Variants in RANBP17 observed in about 807,000 individuals in gnomAD.
RANBP17 encodes ran-binding protein 17.
RANBP17 carries 158 observed loss-of-function variants against 141.2 expected under a neutral mutation model. The ratio of observed to expected loss-of-function variants is 1.12; its 90% CI spans 0.98 to 1.28. The LOEUF is 1.28. RANBP17 is among the 50% of genes most tolerant of loss of function. The probability of loss-of-function intolerance (pLI) is 0.00; values close to 1 mark genes in which losing one functional copy is unlikely to be tolerated. For missense variants in RANBP17, 1,438 were observed against 1,290.7 expected, an observed-to-expected ratio of 1.11 and a Z score of -1.75; for synonymous variants, 430 against 450.0, an observed-to-expected ratio of 0.96 and a Z score of 0.56.
intron 24 of RANBP17, among the ~76,000 whole-genome samples, chr5:171,262,649 A>C (rs975286814): frequency 5.9e-5 from 9 of 152,196 alleles, no homozygotes. Context: ...TGTTGGGAAC[A>C]TTCAAAATCT....
Position 171,041,868 on chromosome 5 carries a change from T to C in RANBP17, c.1710+73491T>C, listed in dbSNP as rs980697356. On this transcript the variant is annotated intron_variant, in intron 14 of 27. Coordinates refer to ENST00000523189, the MANE Select transcript of RANBP17 (RefSeq NM_022897.5). ...CCTAGGTATTAAGTCCCACATGCATTAGCTATTTATCCTGATGCTCTCCCT... is the reference window on the plus strand; with the variant it reads ...CCTAGGTATTAAGTCCCACATGCATCAGCTATTTATCCTGATGCTCTCCCT... Among the ~76,000 whole-genome samples the C allele has an allele frequency of 2.0e-5, 3 of 152,098 alleles. No homozygotes were observed. In the East Asian group the frequency reaches 5.8e-4, roughly 29 times the overall value.
intron 12 of RANBP17, 68 bp downstream of exon 12, chr5:170,924,618 T>C: frequency 2.9e-6 from 3 of 1,033,150 alleles, no homozygotes; most frequent in Non-Finnish European, 4.2e-6. Context: ...ATCACTTTAA[T>C]AGTTTTACTG....
intron 16 of RANBP17, among the ~76,000 whole-genome samples, chr5:171,172,096 A>G (rs1358518369): frequency 6.6e-6 from 1 of 151,978 alleles, no homozygotes; most frequent in Non-Finnish European, 1.5e-5. Flanking sequence ...AATTCTGAAA[A>G]TGGTGGCATT....
intron 22 of RANBP17, among the ~76,000 whole-genome samples, chr5:171,234,973 T>C (rs1293753156): frequency 1.3e-5 from 2 of 152,084 alleles, no homozygotes; most frequent in Non-Finnish European, 2.9e-5. Flanking sequence ...TGAGTGTAAA[T>C]ATAGAGGAAG....
At position 170,878,129 on chromosome 5, in the gene RANBP17, T is replaced by C; in HGVS notation, c.51T>C (p.His17=). Residue 17 remains histidine (H), a synonymous_variant, in exon 2 of 28, where the codon CAT becomes CAC. Transcript: ENST00000523189. ...CTGAATTGGAAGTGTTATGTACTCA[T>C]CTCTACATAGGGACTGATCTTACAC... is the stretch of plus-strand genomic sequence containing the variant. The part of the protein sequence containing the change: ...SLAELEVLCT[H]LYIGTDLTQR... 3 of 1,609,642 alleles carry C rather than the reference T, an allele frequency of 1.9e-6. No individual in the cohort carries two copies. The highest frequency in any genetic ancestry group is 2.5e-6 in the Non-Finnish European group (3 of 1,177,938).
chr5:171,257,424 G>A (rs186110274), intron 24 of RANBP17, among the ~76,000 whole-genome samples: 3 of 152,120 alleles, frequency 2.0e-5, no homozygotes, highest in Admixed American at 2.0e-4. Flanking sequence ...AGCAATAAAG[G>A]CACGTATGAC....
At chr5:171,255,380 A>G (rs1223456132) in intron 24 of RANBP17, among the ~76,000 whole-genome samples, 3 of 152,250 alleles carry the variant, frequency 2.0e-5, no homozygotes, top group East Asian at 1.9e-4. Context: ...AGTCATTTGC[A>G]TTAAAGTACA....
rs376554254 is a variant in RANBP17 at position 171,155,566 on chromosome 5, T to C, written c.1711-14564T>C. ...CCCCTAATTCCATAATCTGTGAAAATGAAATAAACTTATTTCCGTGAACCC... is the reference window on the plus strand; with the variant it reads ...CCCCTAATTCCATAATCTGTGAAAACGAAATAAACTTATTTCCGTGAACCC... On this transcript the variant is annotated intron_variant, in intron 14 of 27. Coordinates refer to ENST00000523189, the MANE Select transcript of RANBP17 (RefSeq NM_022897.5). 1.3e-3 allele frequency among the ~76,000 whole-genome samples: 195 copies of C among 152,250 alleles called. 9 individuals are homozygous for C. The South Asian group carries it at 0.039, about 30-fold the overall frequency.
At chr5:171,043,423 G>A (rs1235072855) in intron 14 of RANBP17, among the ~76,000 whole-genome samples, 2 of 152,022 alleles carry the variant, frequency 1.3e-5, no homozygotes, top group Non-Finnish European at 2.9e-5. Flanking sequence ...TGCCCTTGGG[G>A]TGTCTCTCTG....
At chr5:171,115,576 G>A (rs917466746) in intron 14 of RANBP17, among the ~76,000 whole-genome samples, 5 of 152,186 alleles carry the variant, frequency 3.3e-5, no homozygotes, top group Non-Finnish European at 7.4e-5. Flanking sequence ...TACAGTGGAT[G>A]TATACCCCTT....
chr5:171,137,401 A>G (rs970516893), intron 14 of RANBP17, among the ~76,000 whole-genome samples: 9 of 152,146 alleles, frequency 5.9e-5, no homozygotes, highest in African/African-American at 1.2e-4. Context: ...TGAAGACTGA[A>G]CACTTCCATC....
At chr5:171,083,700 ATGT>A (rs1785409748) in intron 14 of RANBP17, among the ~76,000 whole-genome samples, 1 of 152,162 alleles carries the variant, frequency 6.6e-6, no homozygotes, top group Admixed American at 6.5e-5. Flanking sequence ...GAATTCCCAC[ATGT>A]TGTGGGAGGA....
intron 14 of RANBP17, among the ~76,000 whole-genome samples, chr5:171,067,128 C>G (rs970519076): frequency 1.3e-5 from 2 of 151,940 alleles, no homozygotes; most frequent in African/African-American, 4.8e-5. Context: ...GATATTTTTT[C>G]TAGTGCCAGT....
chr5:170,958,108 C>T (rs536876925), intron 13 of RANBP17, among the ~76,000 whole-genome samples: 30 of 152,270 alleles, frequency 2.0e-4, no homozygotes, highest in African/African-American at 7.2e-4. Context: ...CACACGAAAC[C>T]ACTTGTGCCT....
chr5:171,247,821 A>G (rs986067949), intron 24 of RANBP17, among the ~76,000 whole-genome samples: 1 of 152,222 alleles, frequency 6.6e-6, no homozygotes, highest in East Asian at 1.9e-4. Context: ...ATTCCTGCCC[A>G]CATGAAAGCT....
At chr5:170,953,914 A>G (rs536550355) in intron 13 of RANBP17, among the ~76,000 whole-genome samples, 2 of 152,192 alleles carry the variant, frequency 1.3e-5, no homozygotes, top group Non-Finnish European at 2.9e-5. Context: ...TATTTTGTAC[A>G]TGTTTGTGCA....
At position 171,024,758 on chromosome 5, in the gene RANBP17, C is replaced by T. The variant is rs542281940; in HGVS notation, c.1710+56381C>T. On this transcript the variant is annotated intron_variant, in intron 14 of 27. Coordinates refer to ENST00000523189, the MANE Select transcript of RANBP17 (RefSeq NM_022897.5). ...TTCCTGAATCTGATCTTTAGTGTTACAGTATATTAGGGCTAGGTTTCATGT... is the reference window on the plus strand; with the variant it reads ...TTCCTGAATCTGATCTTTAGTGTTATAGTATATTAGGGCTAGGTTTCATGT... Among the ~76,000 whole-genome samples the T allele has an allele frequency of 2.6e-5, 4 of 152,016 alleles. No individual in the cohort carries two copies. In the Middle Eastern group the frequency reaches 0.01, roughly 390 times the overall value.
chr5:170,958,057 A>T (rs2127507998), intron 13 of RANBP17, among the ~76,000 whole-genome samples: 1 of 144,940 alleles, frequency 6.9e-6, no homozygotes, highest in Non-Finnish European at 1.5e-5. Flanking sequence ...CTGAGAAAAT[A>T]CAACTGGTTG....
At chr5:170,926,892 A>G (rs1327724149) in intron 12 of RANBP17, among the ~76,000 whole-genome samples, 1 of 152,078 alleles carries the variant, frequency 6.6e-6, no homozygotes, top group African/African-American at 2.4e-5. Context: ...TCACTGCTCT[A>G]CTTCTTGCTT....
Sources: allele counts gnomAD v4.1 joint callset (sites outside exome capture counted in the v4.1 genomes callset), GRCh38; gene constraint gnomAD v4.1.1; transcripts MANE v1.5; gene names NCBI Gene and HGNC (gene_info 2026-07-23, HGNC 2026-07-21).